FAAH2: variants seen among roughly 807,000 people sequenced by gnomAD.
FAAH2 encodes the protein fatty-acid amide hydrolase 2.
FAAH2 carries 60 observed loss-of-function variants against 36.9 expected under a neutral mutation model. The ratio of observed to expected loss-of-function variants is 1.63; its 90% CI spans 1.32 to 2.02. The LOEUF (loss-of-function observed/expected upper bound fraction) is 2.02, where lower values mean the gene tolerates loss of function less well. FAAH2 is among the 30% of genes most tolerant of loss of function. The probability of loss-of-function intolerance (pLI) is 0.00; values close to 1 mark genes in which losing one functional copy is unlikely to be tolerated. For synonymous variants in FAAH2, 214 were observed against 143.8 expected (o/e 1.49, Z -3.49); for missense variants, 689 against 397.5 (o/e 1.73, Z -6.23).
chrX:57,335,297 G>C (rs1056955681), intron 4 of FAAH2, among the ~76,000 whole-genome samples: 1 of 111,051 alleles, frequency 9.0e-6, no homozygotes, highest in South Asian at 3.9e-4. Context: ...CCAGGGGACC[G>C]GCGTTCAGCA....
In FAAH2 at chrX:57,380,905, T is replaced by A; in HGVS notation, c.879-7T>A. ...GTTGATGTCAGTTTCTTTTTAATCC[T>A]ACACAGGTTAAAACTAGACACAAAG... On this transcript the variant is annotated splice_region_variant and splice_polypyrimidine_tract_variant and intron_variant, in intron 6 of 10. Transcript: ENST00000374900. 9.1e-7 allele frequency: 1 copy of A among 1,098,113 alleles called. No homozygotes were observed. The highest frequency in any genetic ancestry group is 2.5e-5 in the Admixed American group (1 of 40,233). The allele number at this position is 1,098,113 out of a possible 1,213,427, so 90.5% of individuals were successfully genotyped here. A position where few individuals can be genotyped will look rare whatever the true frequency, so the allele number is the denominator to read the frequency against.
intron 10 of FAAH2, among the ~76,000 whole-genome samples, chrX:57,475,734 T>G: frequency 8.9e-6 from 1 of 112,232 alleles, no homozygotes; most frequent in East Asian, 2.8e-4. Flanking sequence ...GTGAAGAAAG[T>G]CAATGATAGC....
chrX:57,457,465 G>T (rs940966810), intron 10 of FAAH2, among the ~76,000 whole-genome samples: 1 of 99,755 alleles, frequency 1.0e-5, no homozygotes, highest in African/African-American at 3.9e-5. Flanking sequence ...TGAAGAAAGG[G>T]AATAAATAAA....
chrX:57,304,834 G>T (rs1344589497), intron 2 of FAAH2, among the ~76,000 whole-genome samples: 1 of 111,300 alleles, frequency 9.0e-6, no homozygotes, highest in Non-Finnish European at 1.9e-5. Flanking sequence ...TACCTAATGG[G>T]ATTATTGTGA....
the FAAH2 span, among the ~76,000 whole-genome samples, chrX:57,168,819 A>G: frequency 4.5e-5 from 5 of 112,184 alleles, no homozygotes; most frequent in Non-Finnish European, 9.4e-5. Context: ...ATAATATTTT[A>G]AATTTGTAAA....
the FAAH2 span, among the ~76,000 whole-genome samples, chrX:57,229,593 T>C: frequency 8.9e-6 from 1 of 111,962 alleles, no homozygotes; most frequent in Admixed American, 9.4e-5. Context: ...AAGGGATCAA[T>C]AGAATACCTG....
chrX:57,387,476 AG>A (rs1231727469), intron 7 of FAAH2, among the ~76,000 whole-genome samples: 2 of 111,531 alleles, frequency 1.8e-5, no homozygotes, highest in African/African-American at 6.5e-5. Context: ...AAGTAGAATG[AG>A]GAAAACAGAG....
the FAAH2 span, among the ~76,000 whole-genome samples, chrX:57,189,334 G>T: frequency 4.5e-5 from 5 of 110,131 alleles, no homozygotes; most frequent in African/African-American, 1.7e-4. Context: ...GTTAAAACAT[G>T]CTCCTTTAAC....
At chrX:57,147,006 G>A in the FAAH2 span, among the ~76,000 whole-genome samples, 2 of 111,137 alleles carry the variant, frequency 1.8e-5, no homozygotes, top group African/African-American at 6.5e-5. Context: ...TATTAGTCAG[G>A]GATATTGGTC....
At chrX:57,361,142 A>G (rs764754877) in intron 5 of FAAH2, among the ~76,000 whole-genome samples, 2 of 112,005 alleles carry the variant, frequency 1.8e-5, no homozygotes, top group South Asian at 3.7e-4. Flanking sequence ...TAAATATTTG[A>G]TAGAATTCAG....
the FAAH2 span, among the ~76,000 whole-genome samples, chrX:57,146,777 G>A: frequency 2.7e-5 from 3 of 111,834 alleles, no homozygotes; most frequent in Admixed American, 9.5e-5. Context: ...ATCATAAAGT[G>A]CTGCTGGCTT....
At chrX:57,266,546 T>A in the FAAH2 span, among the ~76,000 whole-genome samples, 1 of 112,483 alleles carries the variant, frequency 8.9e-6, no homozygotes, top group Non-Finnish European at 1.9e-5. Flanking sequence ...CCTCTCCTTG[T>A]TACTCTTGAA....
At chrX:57,259,250 G>A in the FAAH2 span, among the ~76,000 whole-genome samples, 3 of 111,700 alleles carry the variant, frequency 2.7e-5, no homozygotes, top group African/African-American at 9.8e-5. Flanking sequence ...TTAGTTCTGT[G>A]TATATATCTA....
chrX:57,353,755 A>G (rs2054090582), intron 5 of FAAH2, among the ~76,000 whole-genome samples: 2 of 109,827 alleles, frequency 1.8e-5, no homozygotes, highest in African/African-American at 3.3e-5. Flanking sequence ...CAACTCAACA[A>G]TGATAAAACA....
intron 10 of FAAH2, among the ~76,000 whole-genome samples, chrX:57,451,767 A>G (rs931547414): frequency 9.0e-6 from 1 of 111,674 alleles, no homozygotes; most frequent in Admixed American, 9.5e-5. Context: ...GTCATGGAGA[A>G]CATTCACAGC....
At chrX:57,437,980 C>T (rs1453477939) in intron 8 of FAAH2, among the ~76,000 whole-genome samples, 1 of 101,846 alleles carries the variant, frequency 9.8e-6, no homozygotes, top group Non-Finnish European at 2.0e-5. Flanking sequence ...TATGTATACA[C>T]ATATGTACAT....
At chrX:57,261,577 A>G in the FAAH2 span, among the ~76,000 whole-genome samples, 1 of 105,950 alleles carries the variant, frequency 9.4e-6, no homozygotes, top group South Asian at 4.0e-4. Context: ...AAAAAAAAAG[A>G]AAAAAATAAG....
Position 57,361,333 on chromosome X carries a change from G to A in FAAH2, c.743-17318G>A, listed in dbSNP as rs750107840. 5.4e-5 allele frequency among the ~76,000 whole-genome samples: 6 copies of A among 110,342 alleles called. No homozygotes were observed. In the South Asian group the frequency reaches 2.3e-3, roughly 42 times the overall value. On this transcript the variant is annotated intron_variant, in intron 5 of 10. Transcript: ENST00000374900. ...CTTTCTTTCTTTCTATTAATTTAAG[G>A]TTTGGCATGTTGTTGCTCTTCTAGT... is the stretch of plus-strand genomic sequence containing the variant.
upstream of FAAH2, among the ~76,000 whole-genome samples, chrX:57,285,740 C>A: frequency 8.9e-6 from 1 of 112,085 alleles, no homozygotes; most frequent in Admixed American, 9.5e-5. Flanking sequence ...GTTTTTCAGA[C>A]ACCAGTCATG....
Sources: gnomAD v4.1 joint callset for allele counts (sites outside exome capture counted in the v4.1 genomes callset) on GRCh38, gnomAD v4.1.1 for gene constraint, MANE v1.5 for transcripts, NCBI Gene and HGNC (gene_info 2026-07-23, HGNC 2026-07-21) for gene names.